Variants in RBM27 observed in about 807,000 individuals in gnomAD.
The protein encoded by RBM27 is RNA-binding protein 27.
Under a neutral mutation model 135.3 loss-of-function variants are expected in RBM27, and 22 were observed. The observed-to-expected ratio is 0.16, with a 90% confidence interval of 0.12 to 0.23. The LOEUF (loss-of-function observed/expected upper bound fraction) is 0.23. Ranked by LOEUF, RBM27 falls within the 10% of genes least tolerant of loss-of-function variation. The pLI, the probability that RBM27 is intolerant of heterozygous loss-of-function variation, is 1.00. For missense variants in RBM27, 1,009 were observed against 1,281.0 expected (o/e 0.79, Z 3.24); for synonymous variants, 481 against 442.4 (o/e 1.09, Z -1.10).
At chr5:146,226,764 A>G (rs1035093596) in intron 3 of RBM27, among the ~76,000 whole-genome samples, 8 of 152,178 alleles carry the variant, frequency 5.3e-5, no homozygotes, top group Non-Finnish European at 1.0e-4. Flanking sequence ...TACAATTTTG[A>G]GAATTGTGAA....
intron 14 of RBM27, among the ~76,000 whole-genome samples, chr5:146,266,289 G>T (rs763954381): frequency 6.6e-6 from 1 of 152,194 alleles, no homozygotes; most frequent in Non-Finnish European, 1.5e-5. Context: ...CTGGATGAGT[G>T]ACCTGGTTTC....
At chr5:146,214,346 T>C (rs912420832) in intron 1 of RBM27, among the ~76,000 whole-genome samples, 1 of 152,220 alleles carries the variant, frequency 6.6e-6, no homozygotes, top group Non-Finnish European at 1.5e-5. Context: ...CAAGCAGTAA[T>C]GGATTCCCAT....
intron 7 of RBM27, among the ~76,000 whole-genome samples, chr5:146,234,359 A>G (rs971703534): frequency 6.6e-6 from 1 of 152,174 alleles, no homozygotes; most frequent in African/African-American, 2.4e-5. Context: ...ATGACGATCA[A>G]TATTCAGCTG....
At chr5:146,236,547 T>TA (rs1261271758) in intron 7 of RBM27, among the ~76,000 whole-genome samples, 1 of 152,240 alleles carries the variant, frequency 6.6e-6, no homozygotes, top group Non-Finnish European at 1.5e-5. Flanking sequence ...TAAGCTTGCA[T>TA]ATATTAAATT....
At chr5:146,223,555 G>A (rs769593666) in intron 3 of RBM27, 28 bp downstream of exon 3, 3 of 1,589,280 alleles carry the variant, frequency 1.9e-6, no homozygotes, top group South Asian at 1.2e-5. Flanking sequence ...TCCTGCTTTT[G>A]GGGGCTTCTT....
chr5:146,231,779 G>A (rs1441058672), intron 6 of RBM27, among the ~76,000 whole-genome samples: 4 of 151,552 alleles, frequency 2.6e-5, no homozygotes, highest in Admixed American at 1.3e-4. Context: ...CACCATGCCC[G>A]GCTAATTTTT....
chr5:146,219,090 C>T lies in RBM27; in HGVS notation c.165C>T (p.Val55=). The stretch of plus-strand genomic sequence containing the variant: ...CCTTTTGTGCTGATCAACTTGATGT[C>T]TTTTTACAAAAAGGTAATTATTATG... ...LKAFCADQLD[V]FLQKETSGFV... is the part of the protein sequence containing the mutation. Residue 55 remains valine (V), a synonymous_variant, in exon 2 of 21, where the codon GTC becomes GTT. Transcript: ENST00000265271. 1 of 1,603,066 alleles carries T rather than the reference C, an allele frequency of 6.2e-7. No individual in the cohort carries two copies. The highest frequency in any genetic ancestry group is 8.5e-7 in the Non-Finnish European group (1 of 1,174,304).
chr5:146,258,593 A>G lies in RBM27; in HGVS notation c.1739A>G (p.Lys580Arg), dbSNP rs201182684. 1.2e-5 allele frequency: 19 copies of G among 1,565,888 alleles called. No individual in the cohort carries two copies. Among genetic ancestry groups the G allele is most frequent in the Non-Finnish European group, 1.6e-5 (19 of 1,160,372 alleles). The change falls in exon 11 of 21, where the codon AAG becomes AGG. Residue 580 changes from lysine to arginine, a missense_variant and splice_region_variant. Lys to Arg is a conservative substitution (Grantham distance 26). This residue lies in a region of RBM27 where 329 missense variants were observed against 368.1 expected (regional missense o/e 0.89). Transcript: ENST00000265271. Reference protein sequence around the residue: ...GPLTKKPWLGKQGNNNQNKPG... With the variant: ...GPLTKKPWLGRQGNNNQNKPG... The stretch of plus-strand genomic sequence containing the variant: ...CTCACAAAGAAACCTTGGCTGGGAA[A>G]GTAAGATAATTTGCTAATTAGTAGC...
chr5:146,223,588 A>T, intron 3 of RBM27, 61 bp downstream of exon 3: 1 of 1,527,646 alleles, frequency 6.5e-7, no homozygotes, highest in Non-Finnish European at 8.8e-7. Flanking sequence ...CAGTATCCTT[A>T]GTTGGAAGTT....
chr5:146,254,793 A>G, intron 9 of RBM27, 150 bp from the exon 10 acceptor site: 2 of 632,400 alleles, frequency 3.2e-6, no homozygotes, highest in Non-Finnish European at 5.1e-6. Flanking sequence ...TCCTGGAACC[A>G]GTCCCTCACA....
chr5:146,233,613 TCCAGGCCCAGGCCCGGGC>T lies in RBM27; in HGVS notation c.1020_1037del (p.Pro353_Gly358del), dbSNP rs1561537250. On this transcript the variant is annotated inframe_deletion, in exon 7 of 21. Transcript: ENST00000265271. ...GAATGTTAATGCCTCCAATGCCAGG[TCCAGGCCCAGGCCCGGGC>T]CCAGGTCCAGGCCCAGGCCCGGGCC... 2 of 1,602,446 alleles carry T rather than the reference TCCAGGCCCAGGCCCGGGC, an allele frequency of 1.2e-6. No individual in the cohort carries two copies. The highest frequency in any genetic ancestry group is 1.7e-6 in the Non-Finnish European group (2 of 1,172,678).
intron 19 of RBM27, among the ~76,000 whole-genome samples, chr5:146,278,503 C>CTA (rs1759187155): frequency 1.3e-5 from 2 of 152,108 alleles, no homozygotes; most frequent in Admixed American, 6.5e-5. Context: ...GATATTCTCT[C>CTA]TCTATATATA....
chr5:146,269,472 C>T lies in RBM27; in HGVS notation c.2579C>T (p.Ala860Val), dbSNP rs746960957. 1.7e-5 allele frequency: 26 copies of T among 1,568,204 alleles called. No individual in the cohort carries two copies. The highest frequency in any genetic ancestry group is 2.2e-5 in the Non-Finnish European group (25 of 1,160,698). ...AAAAACATGAAACCAGAAGAAAGAG[C>T]AAATATAATGAAGACTTTGAAAGAG... is the stretch of plus-strand genomic sequence containing the variant. ...KNKNMKPEER[A>V]NIMKTLKELG... Residue 860 changes from alanine to valine, a missense_variant, in exon 17 of 21, where the codon GCA (alanine) becomes GTA (valine). Physicochemically the swap from Ala to Val is moderately conservative, Grantham distance 64 (BLOSUM62 0). Around this residue, in one of 6 missense-constraint regions of RBM27, gnomAD observed 355 missense variants for 427.3 expected, o/e 0.83. Coordinates refer to ENST00000265271, the MANE Select transcript of RBM27 (RefSeq NM_018989.2).
rs934272138 is a variant in RBM27 at position 146,229,927 on chromosome 5, C to A, written c.589+17C>A. 1 of 1,613,018 alleles carries A rather than the reference C, an allele frequency of 6.2e-7. No homozygotes were observed. Among genetic ancestry groups the A allele is most frequent in the Non-Finnish European group, 8.5e-7 (1 of 1,179,398 alleles). ...GGAATGTTGGTGAGTAGATGAGTGTCCCCCTAAAAACTCTGTAGTTATTTA... is the reference window on the plus strand; with the variant it reads ...GGAATGTTGGTGAGTAGATGAGTGTACCCCTAAAAACTCTGTAGTTATTTA... On this transcript the variant is annotated intron_variant, in intron 5 of 20. Coordinates refer to ENST00000265271, the MANE Select transcript of RBM27 (RefSeq NM_018989.2).
At chr5:146,249,016 C>T (rs746534341) in intron 8 of RBM27, among the ~76,000 whole-genome samples, 53 of 151,840 alleles carry the variant, frequency 3.5e-4, no homozygotes, top group Non-Finnish European at 7.5e-4. Flanking sequence ...AGCATCTCAC[C>T]CTGTCACCTA....
At position 146,261,649 on chromosome 5, in the gene RBM27, A is replaced by C; in HGVS notation, c.2033A>C (p.Gln678Pro). ...RVLWHRENNE[Q>P]PTLQSSAQLL... ...TTGTGGCATAGGGAAAATAATGAGC[A>C]ACCGACACTACAGTCCTCAGCACAG... Residue 678 changes from glutamine (Q) to proline (P), a missense_variant, in exon 13 of 21, where the codon CAA becomes CCA. Transcript: ENST00000265271. 7 of 1,614,194 alleles carry C rather than the reference A, an allele frequency of 4.3e-6. No individual in the cohort carries two copies. The highest frequency in any genetic ancestry group is 5.1e-6 in the Non-Finnish European group (6 of 1,180,038).
Position 146,242,649 on chromosome 5 carries a change from A to G in RBM27, c.1279+5217A>G, listed in dbSNP as rs527819576. Among the ~76,000 whole-genome samples the G allele has an allele frequency of 5.6e-4, 85 of 152,300 alleles. 1 individual carries two copies. Among genetic ancestry groups the G allele is most frequent in the Non-Finnish European group, 1.0e-3 (68 of 68,024 alleles). ...TACTCTGTTGCCCAGGCTGGAGTGC[A>G]GTGGTGCGATCTCAGCTCACTGCAA... On this transcript the variant is annotated intron_variant, in intron 8 of 20. Coordinates refer to ENST00000265271, the MANE Select transcript of RBM27 (RefSeq NM_018989.2).
rs553324372 is a variant in RBM27 at position 146,262,663 on chromosome 5, A to G, written c.2191-828A>G. 1.8e-4 allele frequency among the ~76,000 whole-genome samples: 27 copies of G among 152,332 alleles called. No homozygotes were observed. The East Asian group carries it at 3.5e-3, about 20-fold the overall frequency. ...TTTGCATCTAAATTCTCTTTCAGTT[A>G]TGTTTGTATCCCACTTCATGTAAGG... On this transcript the variant is annotated intron_variant, in intron 13 of 20. Transcript: ENST00000265271.
At chr5:146,269,128 C>T (rs913567749) in intron 15 of RBM27, 79 bp from the exon 16 acceptor site, 4 of 962,398 alleles carry the variant, frequency 4.2e-6, no homozygotes, top group Non-Finnish European at 6.4e-6. Context: ...CAGTCTGTCT[C>T]AGGGATGACC....
Sources: gnomAD v4.1 joint callset for allele counts (sites outside exome capture counted in the v4.1 genomes callset) on GRCh38, gnomAD v4.1.1 for gene constraint, gnomAD v4.1.1 regional missense constraint, MANE v1.5 for transcripts, NCBI Gene and HGNC (gene_info 2026-07-23, HGNC 2026-07-21) for gene names.